Variants in ADGRV1 observed in about 807,000 individuals in gnomAD.
The protein encoded by ADGRV1 is adhesion G protein-coupled receptor V1.
A neutral mutation model predicts 596.2 loss-of-function variants in ADGRV1; 359 were observed. The observed-to-expected ratio is 0.60, with a 90% CI of 0.55 to 0.66. The LOEUF (loss-of-function observed/expected upper bound fraction) is 0.66, where lower values mean the gene tolerates loss of function less well. Among genes scored for constraint, ADGRV1 ranks in the 30% least tolerant of loss-of-function variants. ADGRV1 has a pLI of 0.00. For missense variants in ADGRV1, 7,274 were observed against 7,575.6 expected, an observed-to-expected ratio of 0.96 and a Z score of 1.48; for synonymous variants, 2,681 against 2,679.2, an observed-to-expected ratio of 1.00 and a Z score of -0.02.
At chr5:90,778,182 A>T in intron 62 of ADGRV1, 139 bp downstream of exon 62, 1 of 1,028,520 alleles carries the variant, frequency 9.7e-7, no homozygotes. Flanking sequence ...TAAATATTAC[A>T]GCATTTGTGG....
intron 85 of ADGRV1, among the ~76,000 whole-genome samples, chr5:91,008,769 G>C (rs1476640143): frequency 1.3e-5 from 2 of 152,068 alleles, no homozygotes; most frequent in Non-Finnish European, 2.9e-5. Flanking sequence ...TGAAAGTGCT[G>C]GGATTACAAG....
intron 87 of ADGRV1, among the ~76,000 whole-genome samples, chr5:91,114,035 A>G (rs1415552096): frequency 2.0e-5 from 3 of 151,542 alleles, no homozygotes; most frequent in African/African-American, 7.3e-5. Flanking sequence ...TGGCCGACAT[A>G]GTGAAACCCC....
intron 77 of ADGRV1, among the ~76,000 whole-genome samples, chr5:90,831,280 T>TATACAC (rs1554131215): frequency 2.7e-5 from 4 of 149,542 alleles, no homozygotes; most frequent in African/African-American, 9.8e-5. Context: ...TACATATATA[T>TATACAC]ACACACACAC....
At chr5:90,709,407 A>T (rs1014874234) in intron 39 of ADGRV1, among the ~76,000 whole-genome samples, 1 of 152,214 alleles carries the variant, frequency 6.6e-6, no homozygotes, top group African/African-American at 2.4e-5. Context: ...GCCTTGGTAC[A>T]AACTTATCTA....
At chr5:90,614,630 A>G in intron 1 of ADGRV1, 2 of 613,898 alleles carry the variant, frequency 3.3e-6, no homozygotes, top group Non-Finnish European at 6.0e-6. Context: ...TCTGAATAGT[A>G]GAAAGAGAAC....
At chr5:90,924,144 C>T (rs945204810) in intron 83 of ADGRV1, among the ~76,000 whole-genome samples, 5 of 151,510 alleles carry the variant, frequency 3.3e-5, no homozygotes, top group African/African-American at 1.2e-4. Flanking sequence ...GGGTATATAC[C>T]CAGTAATGGG....
Position 90,637,870 on chromosome 5 carries a change from G to C in ADGRV1, c.2162G>C (p.Ser721Thr). 5.0e-6 allele frequency: 8 copies of C among 1,613,636 alleles called. No individual in the cohort carries two copies. The highest frequency in any genetic ancestry group is 6.8e-6 in the Non-Finnish European group (8 of 1,179,756). The change falls in exon 11 of 90, where the codon AGT becomes ACT. Residue 721 changes from serine to threonine, a missense_variant. Physicochemically the swap from Ser to Thr is moderately conservative, Grantham distance 58. Around this residue, in one of 5 missense-constraint regions of ADGRV1, gnomAD observed 1,715 missense variants for 1,708.8 expected, o/e 1.00. Coordinates refer to ENST00000405460, the MANE Select transcript of ADGRV1 (RefSeq NM_032119.4). ...NGSVLFLSGQ[S>T]DTTINITIKG... ...TCTGTTTTGTTTTTATCTGGGCAAA[G>C]TGACACAACAATCAACATTACTATC... is the stretch of plus-strand genomic sequence containing the variant.
Position 91,150,126 on chromosome 5 carries a change from C to T in ADGRV1, c.18529C>T (p.Pro6177Ser). The T allele has an allele frequency of 1.3e-6, 2 of 1,589,444 alleles. No individual in the cohort carries two copies. Among genetic ancestry groups the T allele is most frequent in the Non-Finnish European group, 1.7e-6 (2 of 1,168,158 alleles). The change falls in exon 88 of 90, where the codon CCC (proline) becomes TCC (serine). Residue 6177 changes from proline to serine, a missense_variant. This residue lies in a region of ADGRV1 where 1,874 missense variants were observed against 1,970.2 expected (regional missense o/e 0.95). Transcript: ENST00000405460. Reference protein sequence around the residue: ...YTVEMNGHPGPSTAFFTPGSG... With the variant: ...YTVEMNGHPGSSTAFFTPGSG... ...TGTGGAAATGAATGGGCATCCTGGA[C>T]CCAGCACAGCCTTTTTCACGCCCGG...
intron 1 of ADGRV1, among the ~76,000 whole-genome samples, chr5:90,589,857 A>G (rs1759244906): frequency 6.6e-6 from 1 of 152,216 alleles, no homozygotes; most frequent in Non-Finnish European, 1.5e-5. Flanking sequence ...TGGAAAACAT[A>G]GAAAAGCACA....
chr5:91,029,364 A>G (rs1420552475), intron 85 of ADGRV1, among the ~76,000 whole-genome samples: 2 of 152,192 alleles, frequency 1.3e-5, no homozygotes, highest in Non-Finnish European at 2.9e-5. Context: ...ATATGATACA[A>G]TTTATTTCTC....
intron 1 of ADGRV1, among the ~76,000 whole-genome samples, chr5:90,613,178 C>A (rs1339280068): frequency 6.6e-6 from 1 of 152,048 alleles, no homozygotes; most frequent in African/African-American, 2.4e-5. Flanking sequence ...GTCTCCTGTT[C>A]AAGGACTGTA....
chr5:90,708,859 CT>C lies in ADGRV1; in HGVS notation c.8776del (p.Tyr2926ThrfsTer16), dbSNP rs750913367. The part of the protein sequence containing the change: ...ELEEYFLVNL[T>X]YVGLTMAAST... ...GAAGAATATTTCCTGGTGAATTTAA[CT>C]TACGTTGGACTTACCATGGCTGCTT... is the stretch of plus-strand genomic sequence containing the variant. On this transcript the variant is annotated frameshift_variant, in exon 39 of 90. Transcript: ENST00000405460. LOFTEE classifies it high-confidence loss of function. 1 of 1,612,388 alleles carries C rather than the reference CT, an allele frequency of 6.2e-7. No individual in the cohort carries two copies. Among genetic ancestry groups the C allele is most frequent in the South Asian group, 1.1e-5 (1 of 90,948 alleles).
intron 70 of ADGRV1, among the ~76,000 whole-genome samples, chr5:90,796,280 T>A (rs765689979): frequency 5.9e-5 from 9 of 151,898 alleles, no homozygotes; most frequent in Non-Finnish European, 1.3e-4. Context: ...GAGAAGAACA[T>A]AAATGACCTG....
intron 70 of ADGRV1, among the ~76,000 whole-genome samples, chr5:90,798,981 G>A (rs542714801): frequency 2.6e-5 from 4 of 152,256 alleles, no homozygotes; most frequent in African/African-American, 9.6e-5. Flanking sequence ...TACTGAATGG[G>A]CAATAACTAG....
chr5:91,088,404 G>C (rs981648782), intron 86 of ADGRV1, among the ~76,000 whole-genome samples: 12 of 151,980 alleles, frequency 7.9e-5, no homozygotes, highest in Non-Finnish European at 1.8e-4. Flanking sequence ...CACAGACTTT[G>C]TAACTGGACA....
rs1318545780 is a variant in ADGRV1 at position 90,810,696 on chromosome 5, G to A, written c.15436G>A (p.Val5146Ile). The change falls in exon 74 of 90, where the codon GTT (valine) becomes ATT (isoleucine). Residue 5146 changes from valine (V) to isoleucine (I), a missense_variant. Val to Ile is a conservative substitution (Grantham distance 29, BLOSUM62 3). Around this residue, in one of 5 missense-constraint regions of ADGRV1, gnomAD observed 1,874 missense variants for 1,970.2 expected, o/e 0.95. Transcript: ENST00000405460. The part of the protein sequence containing the change: ...SFPETTVAVA[V>I]DTTLIPVETE... ...CCCCGAGACAACTGTGGCTGTAGCA[G>A]TTGACACAACTCTCATTCCTGTAGA... is the stretch of plus-strand genomic sequence containing the variant. 6.2e-7 allele frequency: 1 copy of A among 1,613,918 alleles called. No homozygotes were observed. Among genetic ancestry groups the A allele is most frequent in the Non-Finnish European group, 8.5e-7 (1 of 1,179,876 alleles).
intron 74 of ADGRV1, among the ~76,000 whole-genome samples, chr5:90,814,685 T>C (rs939057432): frequency 6.6e-6 from 1 of 152,194 alleles, no homozygotes; most frequent in Admixed American, 6.5e-5. Context: ...ATTGTAAGTT[T>C]GCTGAGGCCT....
chr5:90,606,662 T>G (rs1040020309), intron 1 of ADGRV1, among the ~76,000 whole-genome samples: 9 of 152,182 alleles, frequency 5.9e-5, no homozygotes, highest in African/African-American at 2.2e-4. Flanking sequence ...CACCTATCCA[T>G]TCATTCTCCA....
At chr5:91,151,199 T>G (rs764059611) in intron 88 of ADGRV1, among the ~76,000 whole-genome samples, 1 of 152,218 alleles carries the variant, frequency 6.6e-6, no homozygotes, top group Non-Finnish European at 1.5e-5. Context: ...TGTCCAGAGA[T>G]AACTTTTGTC....
Sources: allele counts gnomAD v4.1 joint callset (sites outside exome capture counted in the v4.1 genomes callset), GRCh38; gene constraint gnomAD v4.1.1; regional missense constraint gnomAD v4.1.1; transcripts MANE v1.5; gene names NCBI Gene and HGNC (gene_info 2026-07-23, HGNC 2026-07-21).